ZNF680: variants seen among roughly 807,000 people sequenced by gnomAD.
ZNF680 encodes hypothetical protein FLJ90430.
A neutral mutation model predicts 12.1 loss-of-function variants in ZNF680; 6 were observed. The ratio of observed to expected loss-of-function variants is 0.49; its 90% CI spans 0.27 to 0.98. ZNF680 has a LOEUF of 0.98. Among genes scored for constraint, ZNF680 ranks in the 50% least tolerant of loss-of-function variants. The pLI is 0.12. For missense variants in ZNF680, 561 were observed against 616.3 expected (o/e 0.91, Z 0.95); for synonymous variants, 170 against 199.3 (o/e 0.85, Z 1.24).
Position 64,521,898 on chromosome 7 carries a change from T to C in ZNF680, c.856A>G (p.Ile286Val), listed in dbSNP as rs1274015825. ...TAAGGTTTGTCTCCAGTATGAATTA[T>C]CTTATGTTTACTAAGGATTGAGAAT... ...SLFSILSKHKIIHTGDKPYKC... is the reference protein window; with the variant it reads ...SLFSILSKHKVIHTGDKPYKC... The change falls in exon 4 of 4, where the codon ATA becomes GTA. Residue 286 changes from isoleucine (I) to valine (V), a missense_variant. By Grantham distance (29) the Ile-to-Val change is conservative. Transcript: ENST00000309683. The C allele has an allele frequency of 1.2e-6, 2 of 1,613,296 alleles. No individual in the cohort carries two copies. Among genetic ancestry groups the C allele is most frequent in the Non-Finnish European group, 1.7e-6 (2 of 1,179,714 alleles).
At chr7:64,526,351 G>A in intron 3 of ZNF680, 1 of 1,254,744 alleles carries the variant, frequency 8.0e-7, no homozygotes, top group Non-Finnish European at 1.0e-6. Context: ...AAAATAAAAG[G>A]TGACAGTGTT....
At chr7:64,562,400 AC>A (rs1787796422) in intron 1 of ZNF680, among the ~76,000 whole-genome samples, 1 of 152,186 alleles carries the variant, frequency 6.6e-6, no homozygotes, top group Admixed American at 6.5e-5. Flanking sequence ...ATGTAACTGT[AC>A]CTAACCGATT....
chr7:64,503,913 T>TA, the ZNF680 span, among the ~76,000 whole-genome samples: 11 of 152,198 alleles, frequency 7.2e-5, no homozygotes, highest in East Asian at 1.3e-3. Context: ...AAAAACACAC[T>TA]AAAAAAATCA....
intron 1 of ZNF680, among the ~76,000 whole-genome samples, chr7:64,548,651 T>C (rs1786903947): frequency 6.6e-6 from 1 of 152,256 alleles, no homozygotes; most frequent in East Asian, 1.9e-4. Context: ...ACTGACTCAT[T>C]TGTCTTACAC....
At chr7:64,558,517 T>A (rs1395108138) in intron 1 of ZNF680, among the ~76,000 whole-genome samples, 2 of 152,026 alleles carry the variant, frequency 1.3e-5, no homozygotes, top group Admixed American at 6.6e-5. Context: ...CTCAGGCTGC[T>A]CACCCCAGCC....
At chr7:64,553,854 C>T (rs943026935) in intron 1 of ZNF680, among the ~76,000 whole-genome samples, 4 of 152,194 alleles carry the variant, frequency 2.6e-5, no homozygotes, top group Admixed American at 1.3e-4. Flanking sequence ...CCCGAGGTGC[C>T]GGGATTGCAG....
the ZNF680 span, chr7:64,501,374 CT>C: frequency 1.6e-6 from 2 of 1,218,736 alleles, no homozygotes; most frequent in Non-Finnish European, 2.4e-6. Context: ...TCTTCCAAGT[CT>C]GGAAAGTTGA....
intron 2 of ZNF680, chr7:64,544,077 C>T: frequency 1.6e-6 from 1 of 636,482 alleles, no homozygotes; most frequent in East Asian, 3.6e-5. Flanking sequence ...CTGTAATTAC[C>T]ACTAATCTAG....
chr7:64,540,284 G>C (rs962793327), intron 3 of ZNF680, among the ~76,000 whole-genome samples: 5 of 147,774 alleles, frequency 3.4e-5, no homozygotes, highest in African/African-American at 1.2e-4. Flanking sequence ...GATTGTGATA[G>C]ACATATGGCT....
At chr7:64,534,094 C>T (rs1207852254) in intron 3 of ZNF680, among the ~76,000 whole-genome samples, 3 of 152,166 alleles carry the variant, frequency 2.0e-5, no homozygotes, top group Non-Finnish European at 4.4e-5. Context: ...CCCTTCTAAA[C>T]ATTGGCTTAG....
intron 3 of ZNF680, 109 bp from the exon 4 acceptor site, chr7:64,522,609 T>C: frequency 2.3e-6 from 2 of 859,940 alleles, no homozygotes; most frequent in East Asian, 3.4e-5. Context: ...AATACAAAAA[T>C]AAATAACTAA....
At chr7:64,526,225 G>A (rs1239226608) in intron 3 of ZNF680, 14 of 1,050,434 alleles carry the variant, frequency 1.3e-5, no homozygotes, top group Non-Finnish European at 1.4e-5. Flanking sequence ...GAGGTTACTT[G>A]TAGATGAAAA....
the ZNF680 span, among the ~76,000 whole-genome samples, chr7:64,506,192 GATT>G: frequency 1.7e-5 from 2 of 118,456 alleles, no homozygotes; most frequent in Admixed American, 2.3e-4. Flanking sequence ...TAGTCTTTTA[GATT>G]TTTTTTTTTT....
At chr7:64,507,824 AAC>A in the ZNF680 span, among the ~76,000 whole-genome samples, 662 of 136,476 alleles carry the variant, frequency 4.9e-3, 8 homozygotes, top group East Asian at 0.012. Context: ...AATTCCAGGA[AAC>A]ACACACACAC....
In ZNF680 at chr7:64,539,351, CAAAAAA is replaced by C. The variant is rs1170166478; in HGVS notation, c.253+4350_253+4355del. On this transcript the variant is annotated intron_variant, in intron 3 of 3. Coordinates refer to ENST00000309683, the MANE Select transcript of ZNF680 (RefSeq NM_178558.5). ...GGGCAACAAGAGCAAAACTTCGTCT[CAAAAAA>C]AAAAAAAAAAAAAAAAAAGAAAAGA... 8.2e-3 allele frequency among the ~76,000 whole-genome samples: 397 copies of C among 48,480 alleles called. 3 individuals are homozygous for C. Among genetic ancestry groups the C allele is most frequent in the Middle Eastern group, 0.015 (1 of 68 alleles). 31.8% of individuals were successfully genotyped at this position (48,480 alleles called of 152,430 possible).
chr7:64,533,963 T>A (rs1007196025), intron 3 of ZNF680, among the ~76,000 whole-genome samples: 5 of 152,164 alleles, frequency 3.3e-5, no homozygotes, highest in Non-Finnish European at 7.4e-5. Flanking sequence ...GCTAGCCACA[T>A]GTAGGAGAAT....
intron 1 of ZNF680, among the ~76,000 whole-genome samples, chr7:64,558,269 A>C (rs528234946): frequency 3.0e-4 from 46 of 152,256 alleles, no homozygotes; most frequent in African/African-American, 1.1e-3. Flanking sequence ...GCAAAAAAAA[A>C]CACTAGGATC....
At chr7:64,530,268 A>T (rs1785789533) in intron 3 of ZNF680, among the ~76,000 whole-genome samples, 2 of 152,182 alleles carry the variant, frequency 1.3e-5, no homozygotes, top group Non-Finnish European at 2.9e-5. Context: ...AAAAAAACAA[A>T]AACCAAGGTA....
intron 3 of ZNF680, chr7:64,525,957 T>A (rs934994870): frequency 3.0e-6 from 3 of 985,090 alleles, no homozygotes; most frequent in Admixed American, 6.1e-5. Flanking sequence ...GACATATGGC[T>A]GATTCATATT....
Sources: gnomAD v4.1 joint callset for allele counts (sites outside exome capture counted in the v4.1 genomes callset) on GRCh38, gnomAD v4.1.1 for gene constraint, MANE v1.5 for transcripts, NCBI Gene and HGNC (gene_info 2026-07-23, HGNC 2026-07-21) for gene names.